The following AGBL1 variants were observed in gnomAD, a reference collection of about 807,000 sequenced individuals.
The protein encoded by AGBL1 is AGBL carboxypeptidase 1.
Under a neutral mutation model 118.9 loss-of-function variants are expected in AGBL1, and 130 were observed. The ratio of observed to expected loss-of-function variants is 1.09; its 90% CI spans 0.95 to 1.26. The LOEUF is 1.26. AGBL1 is among the 50% of genes most tolerant of loss of function. The probability of loss-of-function intolerance (pLI) is 0.00; values close to 1 mark genes in which losing one functional copy is unlikely to be tolerated. For missense variants in AGBL1, 1,584 were observed against 1,298.1 expected, an observed-to-expected ratio of 1.22 and a Z score of -3.38; for synonymous variants, 555 against 478.9, an observed-to-expected ratio of 1.16 and a Z score of -2.08.
intron 18 of AGBL1, among the ~76,000 whole-genome samples, chr15:86,515,853 G>C (rs191360418): frequency 6.6e-6 from 1 of 152,210 alleles, no homozygotes; most frequent in Non-Finnish European, 1.5e-5. Flanking sequence ...GGACGTGCCC[G>C]TGACACAGCC....
chr15:86,107,795 A>C (rs1897137701), intron 1 of AGBL1: 3 of 152,276 alleles, frequency 2.0e-5, no homozygotes, highest in South Asian at 4.1e-4. Flanking sequence ...CAAGAGGTTC[A>C]TGGATTGGAA....
At chr15:86,927,370 C>G (rs1415847214) in intron 23 of AGBL1, among the ~76,000 whole-genome samples, 1 of 150,798 alleles carries the variant, frequency 6.6e-6, no homozygotes, top group East Asian at 2.0e-4. Context: ...GGGAGGATCA[C>G]TTGAAGCCAG....
intron 17 of AGBL1, among the ~76,000 whole-genome samples, chr15:86,362,069 G>C (rs1296037448): frequency 1.3e-5 from 2 of 152,040 alleles, no homozygotes; most frequent in African/African-American, 4.8e-5. Flanking sequence ...AGTATGCTTT[G>C]AGTCCTTTCT....
intron 23 of AGBL1, among the ~76,000 whole-genome samples, chr15:86,978,364 G>A (rs1240306805): frequency 6.6e-6 from 1 of 152,202 alleles, no homozygotes; most frequent in Non-Finnish European, 1.5e-5. Flanking sequence ...ATATATTAGT[G>A]ATGGTCATAA....
chr15:86,756,493 A>G (rs2077942425), intron 22 of AGBL1, among the ~76,000 whole-genome samples: 2 of 152,050 alleles, frequency 1.3e-5, no homozygotes, highest in Admixed American at 6.6e-5. Flanking sequence ...CTTCCATGCC[A>G]TGGGTGTTTT....
At chr15:86,118,308 C>T (rs566266035) in intron 1 of AGBL1, among the ~76,000 whole-genome samples, 1 of 152,174 alleles carries the variant, frequency 6.6e-6, no homozygotes, top group East Asian at 1.9e-4. Flanking sequence ...TATTAAAAGT[C>T]CAAATTGGCA....
At chr15:86,389,866 G>A (rs542710902) in intron 17 of AGBL1, among the ~76,000 whole-genome samples, 1 of 152,092 alleles carries the variant, frequency 6.6e-6, no homozygotes, top group Non-Finnish European at 1.5e-5. Flanking sequence ...AGAATTGATT[G>A]TACATTAGGA....
chr15:86,724,175 G>C (rs12901740), intron 22 of AGBL1, among the ~76,000 whole-genome samples: 50,355 of 148,832 alleles, frequency 0.34, 9,409 homozygotes, highest in Non-Finnish European at 0.43. Context: ...GGCCGAGCTT[G>C]CAGTGAGCTG....
At chr15:86,305,096 A>G (rs1192132297) in intron 17 of AGBL1, 2 of 152,202 alleles carry the variant, frequency 1.3e-5, no homozygotes, top group African/African-American at 4.8e-5. Context: ...TAAGGCAGAA[A>G]AACACAACCG....
At chr15:86,436,188 G>A (rs559835885) in intron 18 of AGBL1, among the ~76,000 whole-genome samples, 2 of 148,520 alleles carry the variant, frequency 1.3e-5, no homozygotes, top group Admixed American at 6.8e-5. Flanking sequence ...TCTCTGTGGT[G>A]GTGGAGAAGG....
chr15:86,771,780 C>T (rs2078185983), intron 22 of AGBL1, among the ~76,000 whole-genome samples: 1 of 151,920 alleles, frequency 6.6e-6, no homozygotes, highest in African/African-American at 2.4e-5. Flanking sequence ...TGGAAAGGTA[C>T]ATGAAACAAA....
intron 21 of AGBL1, among the ~76,000 whole-genome samples, chr15:86,619,740 A>G (rs1304542983): frequency 6.6e-6 from 1 of 152,198 alleles, no homozygotes; most frequent in Admixed American, 6.5e-5. Context: ...AAGCAGTGAA[A>G]TAGAGGTACA....
At chr15:86,608,076 C>G (rs1330156576) in intron 21 of AGBL1, among the ~76,000 whole-genome samples, 1 of 152,164 alleles carries the variant, frequency 6.6e-6, no homozygotes, top group Non-Finnish European at 1.5e-5. Flanking sequence ...AGTAATGACA[C>G]AACAGTGACA....
At chr15:86,816,694 C>T (rs79584884) in intron 22 of AGBL1, among the ~76,000 whole-genome samples, 6,425 of 151,864 alleles carry the variant, frequency 0.042, 296 homozygotes, top group East Asian at 0.12. Flanking sequence ...AACAAAAATC[C>T]CTCAGGAGGC....
At chr15:87,028,910 G>A (rs890036837) in exon 25 of AGBL1, 17 of 1,500,604 alleles carry the variant, frequency 1.1e-5, no homozygotes, top group Non-Finnish European at 1.5e-5. Flanking sequence ...GATCTGTGAG[G>A]AAATATCTGA....
At position 86,348,589 on chromosome 15, in the gene AGBL1, C is replaced by T. The variant is rs149158805; in HGVS notation, c.2375-48777C>T. ...GGTCAGGAGTTTGAGACCAGCTTAA[C>T]CAACATGGTGAAACCCTGTCTCTAC... is the stretch of plus-strand genomic sequence containing the variant. On this transcript the variant is annotated intron_variant, in intron 17 of 22. Transcript: ENST00000614907. Among the ~76,000 whole-genome samples the T allele has an allele frequency of 4.0e-3, 611 of 152,184 alleles. 1 individual carries two copies. The highest frequency in any genetic ancestry group is 6.8e-3 in the Middle Eastern group (2 of 294).
At chr15:86,095,209 A>C (rs761764475) in intron 1 of AGBL1, among the ~76,000 whole-genome samples, 1 of 152,158 alleles carries the variant, frequency 6.6e-6, no homozygotes, top group Non-Finnish European at 1.5e-5. Context: ...AACAACCTGG[A>C]AGTACTCTGA....
intron 22 of AGBL1, among the ~76,000 whole-genome samples, chr15:86,795,580 C>G (rs567658062): frequency 6.9e-6 from 1 of 145,210 alleles, no homozygotes; most frequent in East Asian, 2.1e-4. Context: ...ACCTTGCTTT[C>G]TGCTTGATTT....
At chr15:86,556,834 T>A (rs1162192947) in intron 21 of AGBL1, among the ~76,000 whole-genome samples, 2 of 152,186 alleles carry the variant, frequency 1.3e-5, no homozygotes, top group Non-Finnish European at 2.9e-5. Context: ...ATTCTTTCCT[T>A]CCTTCATAAG....
Sources: allele counts gnomAD v4.1 joint callset (sites outside exome capture counted in the v4.1 genomes callset), GRCh38; gene constraint gnomAD v4.1.1; transcripts MANE v1.5; gene names NCBI Gene and HGNC (gene_info 2026-07-23, HGNC 2026-07-21).